The following EFCAB6 variants were observed in gnomAD, a reference collection of about 807,000 sequenced individuals.
EFCAB6 encodes the protein EF-hand calcium-binding domain-containing protein 6.
A neutral mutation model predicts 169.8 loss-of-function variants in EFCAB6; 156 were observed. The observed-to-expected ratio is 0.92, with a 90% CI of 0.81 to 1.05. The LOEUF is 1.05. Ranked by LOEUF, EFCAB6 falls within the 50% of genes least tolerant of loss-of-function variation. The pLI, the probability that EFCAB6 is intolerant of heterozygous loss-of-function variation, is 0.00. For missense variants in EFCAB6, 1,800 were observed against 1,829.1 expected (o/e 0.98, Z 0.29); for synonymous variants, 698 against 676.4 (o/e 1.03, Z -0.50).
chr22:43,564,985 TC>T, intron 26 of EFCAB6, among the ~76,000 whole-genome samples: 1 of 152,300 alleles, frequency 6.6e-6, no homozygotes, highest in Middle Eastern at 3.4e-3. Flanking sequence ...CTGCTTCTGT[TC>T]ACCCTGTCTG....
chr22:43,539,473 T>C (rs1005654011), intron 28 of EFCAB6, among the ~76,000 whole-genome samples: 2 of 152,194 alleles, frequency 1.3e-5, no homozygotes, highest in African/African-American at 2.4e-5. Context: ...CTAGCCAAGG[T>C]CAAGGTCACG....
chr22:43,746,434 A>G (rs1310152060), intron 6 of EFCAB6, among the ~76,000 whole-genome samples: 1 of 152,248 alleles, frequency 6.6e-6, no homozygotes, highest in Non-Finnish European at 1.5e-5. Context: ...CAAGATGAAG[A>G]GGGAAACTCG....
At chr22:43,611,479 G>A (rs1422172355) in intron 21 of EFCAB6, among the ~76,000 whole-genome samples, 1 of 152,128 alleles carries the variant, frequency 6.6e-6, no homozygotes, top group Non-Finnish European at 1.5e-5. Flanking sequence ...GGCATTCTTC[G>A]TAGAGCTAGA....
Position 43,710,726 on chromosome 22 carries a change from T to A in EFCAB6, c.1031+749A>T, listed in dbSNP as rs746800804. ...GTATGATCAACAATGGTTGATAAGATCACGAAAAGAGAGACAGTCTATATA... is the reference window on the plus strand; with the variant it reads ...GTATGATCAACAATGGTTGATAAGAACACGAAAAGAGAGACAGTCTATATA... On this transcript the variant is annotated intron_variant, in intron 10 of 31. Coordinates refer to ENST00000262726, the MANE Select transcript of EFCAB6 (RefSeq NM_022785.4). Among the ~76,000 whole-genome samples, 7 of 152,166 alleles carry A rather than the reference T, an allele frequency of 4.6e-5. No homozygotes were observed. The East Asian group carries it at 1.3e-3, about 29-fold the overall frequency.
chr22:43,567,807 C>A (rs901252599), intron 26 of EFCAB6, among the ~76,000 whole-genome samples: 2 of 152,126 alleles, frequency 1.3e-5, no homozygotes, highest in Admixed American at 6.5e-5. Context: ...CATCACCATG[C>A]GAGGCAGCCA....
chr22:43,570,785 C>T (rs1398399560), intron 26 of EFCAB6, among the ~76,000 whole-genome samples: 6 of 152,130 alleles, frequency 3.9e-5, no homozygotes, highest in East Asian at 3.9e-4. Flanking sequence ...AAAAGACACA[C>T]GTCGCCTTCC....
At chr22:43,771,069 A>C (rs2061454154) in intron 4 of EFCAB6, among the ~76,000 whole-genome samples, 1 of 152,204 alleles carries the variant, frequency 6.6e-6, no homozygotes, top group South Asian at 2.1e-4. Context: ...TGTAGTACAC[A>C]GCAAATTCTA....
chr22:43,604,213 T>C (rs941646567), intron 22 of EFCAB6, among the ~76,000 whole-genome samples: 5 of 152,184 alleles, frequency 3.3e-5, no homozygotes, highest in Admixed American at 3.3e-4. Flanking sequence ...TATTTCTTTA[T>C]AGCAGCACGA....
intron 27 of EFCAB6, among the ~76,000 whole-genome samples, chr22:43,541,142 C>G (rs771112793): frequency 3.9e-5 from 6 of 152,116 alleles, no homozygotes; most frequent in Non-Finnish European, 7.3e-5. Context: ...TCCAGAGAGG[C>G]GAGGGGAGGC....
At chr22:43,550,588 C>T (rs897132192) in intron 27 of EFCAB6, among the ~76,000 whole-genome samples, 2 of 151,074 alleles carry the variant, frequency 1.3e-5, no homozygotes, top group African/African-American at 4.9e-5. Context: ...AGGAGAACTG[C>T]TTGAACCCGA....
intron 2 of EFCAB6, among the ~76,000 whole-genome samples, chr22:43,806,392 C>A (rs1348781425): frequency 6.6e-6 from 1 of 151,894 alleles, no homozygotes; most frequent in Non-Finnish European, 1.5e-5. Context: ...ATAACTGGGA[C>A]TGCAGGTGCA....
At chr22:43,760,867 T>G (rs1373018166) in intron 5 of EFCAB6, among the ~76,000 whole-genome samples, 1 of 152,234 alleles carries the variant, frequency 6.6e-6, no homozygotes, top group Non-Finnish European at 1.5e-5. Context: ...TTCGCCATGT[T>G]GGCCAAGCTG....
At chr22:43,765,169 A>G (rs1374308873) in intron 5 of EFCAB6, 136 bp downstream of exon 5, 1 of 580,812 alleles carries the variant, frequency 1.7e-6, no homozygotes, top group Non-Finnish European at 3.0e-6. Context: ...ATTCCATTAA[A>G]TTCCATATGG....
chr22:43,691,610 T>C (rs1180424032), intron 10 of EFCAB6, among the ~76,000 whole-genome samples: 1 of 152,154 alleles, frequency 6.6e-6, no homozygotes, highest in Non-Finnish European at 1.5e-5. Context: ...AAATATAAGA[T>C]TTTTGTATAC....
Position 43,716,735 on chromosome 22 carries a change from T to C in EFCAB6, c.882+113A>G, listed in dbSNP as rs751506778. 3.0e-6 allele frequency: 4 copies of C among 1,328,636 alleles called. No individual in the cohort carries two copies. In the African/African-American group the frequency reaches 6.0e-5, roughly 20 times the overall value. The allele number at this position is 1,328,636 out of a possible 1,614,324, so 82.3% of individuals were successfully genotyped here. ...GGGGGTCTCAGTATTGGAGAAGACA[T>C]AGGTAGGATCGAAACAAATTTTAGA... On this transcript the variant is annotated intron_variant, in intron 9 of 31. Transcript: ENST00000262726.
intron 17 of EFCAB6, among the ~76,000 whole-genome samples, chr22:43,659,110 C>T (rs569384156): frequency 1.3e-5 from 2 of 152,330 alleles, no homozygotes; most frequent in African/African-American, 2.4e-5. Context: ...CCAGCACATG[C>T]GGGAGAAAAC....
intron 7 of EFCAB6, 122 bp from the exon 8 acceptor site, chr22:43,731,933 G>T: frequency 3.8e-6 from 2 of 526,536 alleles, no homozygotes; most frequent in Non-Finnish European, 6.2e-6. Flanking sequence ...TAGCTACAGA[G>T]GGAATTAAAA....
intron 23 of EFCAB6, among the ~76,000 whole-genome samples, chr22:43,599,269 G>A (rs931715800): frequency 1.3e-5 from 2 of 152,040 alleles, no homozygotes; most frequent in Non-Finnish European, 2.9e-5. Context: ...CTGCACTTTG[G>A]GAGGCTGAGG....
intron 6 of EFCAB6, among the ~76,000 whole-genome samples, chr22:43,740,207 T>C (rs1417133755): frequency 1.3e-5 from 2 of 152,162 alleles, no homozygotes; most frequent in Non-Finnish European, 2.9e-5. Flanking sequence ...AAATTAGGAC[T>C]CCTCACCCCC....
Sources: gnomAD v4.1 joint callset for allele counts (sites outside exome capture counted in the v4.1 genomes callset) on GRCh38, gnomAD v4.1.1 for gene constraint, MANE v1.5 for transcripts, NCBI Gene and HGNC (gene_info 2026-07-23, HGNC 2026-07-21) for gene names.